The following MTNAP1 variants were observed in gnomAD, a reference collection of about 807,000 sequenced individuals.
MTNAP1 encodes the protein mitochondrial nucleoid associated protein 1, also known as mitochondrial nucleoid-associated protein 1.
chr17:73,241,314 C>T, the MTNAP1 span, among the ~76,000 whole-genome samples: 248 of 152,186 alleles, frequency 1.6e-3, no homozygotes, highest in Non-Finnish European at 3.0e-3. Flanking sequence ...CCCGCCACCA[C>T]GCCCGGCTAA....
At chr17:73,235,657 A>G in the MTNAP1 span, 3 of 1,614,200 alleles carry the variant, frequency 1.9e-6, no homozygotes, top group African/African-American at 1.3e-5. Flanking sequence ...GAAAGGACCA[A>G]TCAAAGATTT....
the MTNAP1 span, chr17:73,235,572 G>A: frequency 6.2e-7 from 1 of 1,614,104 alleles, no homozygotes; most frequent in Non-Finnish European, 8.5e-7. Flanking sequence ...ACTGTAAGAT[G>A]ATAGGACCAA....
chr17:73,237,383 C>T, the MTNAP1 span, among the ~76,000 whole-genome samples: 1 of 151,950 alleles, frequency 6.6e-6, no homozygotes, highest in Non-Finnish European at 1.5e-5. Context: ...TGCAGTGAGC[C>T]GAGTATGTGC....
the MTNAP1 span, chr17:73,244,506 T>C: frequency 1.5e-5 from 2 of 129,502 alleles, no homozygotes; most frequent in Admixed American, 1.0e-4. Context: ...GAGGTTGCAG[T>C]GAGCCGAGAT....
chr17:73,247,605 A>T, the MTNAP1 span: 1 of 394,160 alleles, frequency 2.5e-6, no homozygotes, highest in South Asian at 2.9e-5. Flanking sequence ...AAGTTATTTA[A>T]TGAGAATAGA....
chr17:73,233,263 C>G, the MTNAP1 span: 2 of 152,416 alleles, frequency 1.3e-5, no homozygotes, highest in South Asian at 4.1e-4. Flanking sequence ...GAACGGTGAT[C>G]GGGGAAGCAT....
the MTNAP1 span, among the ~76,000 whole-genome samples, chr17:73,237,931 A>G: frequency 6.6e-6 from 1 of 152,228 alleles, no homozygotes; most frequent in Non-Finnish European, 1.5e-5. Flanking sequence ...AAAAGAAAAA[A>G]TGTAGGCCAC....
chr17:73,244,866 T>C, the MTNAP1 span, among the ~76,000 whole-genome samples: 3 of 151,682 alleles, frequency 2.0e-5, no homozygotes, highest in Admixed American at 2.0e-4. Context: ...CACCTGGCCA[T>C]GGGTGAGGAA....
the MTNAP1 span, among the ~76,000 whole-genome samples, chr17:73,243,578 G>C: frequency 2.0e-5 from 3 of 147,348 alleles, no homozygotes; most frequent in Non-Finnish European, 4.5e-5. Context: ...ACCCAGGCTA[G>C]AGTGCAGTGG....
At chr17:73,247,582 T>C in the MTNAP1 span, 1 of 443,624 alleles carries the variant, frequency 2.3e-6, no homozygotes, top group Admixed American at 3.8e-5. Flanking sequence ...AAATATTTTA[T>C]ATCCCTGAAA....
At chr17:73,237,307 G>A in the MTNAP1 span, among the ~76,000 whole-genome samples, 2 of 152,038 alleles carry the variant, frequency 1.3e-5, no homozygotes, top group South Asian at 2.1e-4. Flanking sequence ...GTGTGGTGGC[G>A]CACCTGTAGT....
chr17:73,241,856 G>A, the MTNAP1 span, among the ~76,000 whole-genome samples: 2 of 152,164 alleles, frequency 1.3e-5, no homozygotes, highest in Admixed American at 6.5e-5. Context: ...TCGAACCCAG[G>A]AGGTAGAGGT....
the MTNAP1 span, among the ~76,000 whole-genome samples, chr17:73,239,767 C>T: frequency 1.3e-5 from 2 of 152,014 alleles, no homozygotes; most frequent in African/African-American, 2.4e-5. Flanking sequence ...GTGATCCTCC[C>T]GCCTTGGCCT....
chr17:73,235,889 C>G, the MTNAP1 span: 5 of 1,614,066 alleles, frequency 3.1e-6, no homozygotes, highest in Admixed American at 1.7e-5. Flanking sequence ...CAAGAAGAAA[C>G]CAAGGCTCAG....
chr17:73,242,270 CAT>C, the MTNAP1 span: 7 of 1,602,862 alleles, frequency 4.4e-6, no homozygotes, highest in East Asian at 2.2e-5. Context: ...AAGCTCAACT[CAT>C]ATAAGGAGTT....
chr17:73,239,946 C>T, the MTNAP1 span, among the ~76,000 whole-genome samples: 1 of 152,192 alleles, frequency 6.6e-6, no homozygotes, highest in African/African-American at 2.4e-5. Context: ...AGTTTAAAGA[C>T]CACAGATAGA....
chr17:73,248,280 C>A, the MTNAP1 span: 1 of 546,128 alleles, frequency 1.8e-6, no homozygotes, highest in South Asian at 2.3e-5. Context: ...AGACTGCTAC[C>A]CACAGAAGCC....
the MTNAP1 span, among the ~76,000 whole-genome samples, chr17:73,240,258 T>A: frequency 1.3e-5 from 2 of 151,978 alleles, no homozygotes; most frequent in African/African-American, 4.8e-5. Flanking sequence ...CTAATAAATG[T>A]TGTACTTAGT....
At chr17:73,243,169 T>C in the MTNAP1 span, 3 of 687,984 alleles carry the variant, frequency 4.4e-6, no homozygotes, top group Non-Finnish European at 7.8e-6. Context: ...GTTTTATTTT[T>C]TTGAGATACA....
Sources: gnomAD v4.1 joint callset for allele counts (sites outside exome capture counted in the v4.1 genomes callset) on GRCh38, gnomAD v4.1.1 for gene constraint, MANE v1.5 for transcripts, NCBI Gene and HGNC (gene_info 2026-07-23, HGNC 2026-07-21) for gene names.